The following CENPC variants were observed in gnomAD, a reference collection of about 807,000 sequenced individuals.
CENPC encodes centromere protein C, also known as CENP-C 1.
CENPC carries 63 observed loss-of-function variants against 112.1 expected under a neutral mutation model. That is an observed-to-expected ratio of 0.56 (90% confidence interval 0.46 to 0.69). The LOEUF (loss-of-function observed/expected upper bound fraction) is 0.69. CENPC is among the 30% of genes least tolerant of loss of function. The pLI is 0.00. For missense variants in CENPC, 1,000 were observed against 1,103.8 expected, an observed-to-expected ratio of 0.91 and a Z score of 1.33; for synonymous variants, 333 against 367.6, an observed-to-expected ratio of 0.91 and a Z score of 1.08.
At chr4:67,534,643 G>A (rs906325911) in intron 4 of CENPC, among the ~76,000 whole-genome samples, 20 of 152,146 alleles carry the variant, frequency 1.3e-4, no homozygotes, top group Non-Finnish European at 2.5e-4. Context: ...ACCGCCAAGC[G>A]GGAAAGATTT....
chr4:67,544,282 C>T (rs920636415), intron 1 of CENPC, 87 bp from the exon 2 acceptor site: 2 of 729,502 alleles, frequency 2.7e-6, no homozygotes, highest in Non-Finnish European at 4.9e-6. Flanking sequence ...CCAGTATGGG[C>T]ATGCTATACA....
chr4:67,478,629 AACAC>A (rs200741539), intron 17 of CENPC, among the ~76,000 whole-genome samples: 1,200 of 81,916 alleles, frequency 0.015, 12 homozygotes, highest in Middle Eastern at 0.067. Flanking sequence ...GGGTCTATAA[AACAC>A]ACACACACAC....
At chr4:67,532,544 A>G (rs1726586128) in intron 4 of CENPC, among the ~76,000 whole-genome samples, 1 of 152,246 alleles carries the variant, frequency 6.6e-6, no homozygotes, top group South Asian at 2.1e-4. Flanking sequence ...TGGCACATAT[A>G]CACCATGGAA....
At chr4:67,499,535 A>G (rs1725533646) in intron 12 of CENPC, among the ~76,000 whole-genome samples, 1 of 152,158 alleles carries the variant, frequency 6.6e-6, no homozygotes, top group Non-Finnish European at 1.5e-5. Flanking sequence ...CTCACCTCTC[A>G]GCCTCCACAG....
intron 12 of CENPC, among the ~76,000 whole-genome samples, chr4:67,498,864 T>G (rs370565836): frequency 3.3e-5 from 5 of 152,254 alleles, no homozygotes; most frequent in African/African-American, 1.2e-4. Flanking sequence ...GAATGGTGAA[T>G]CCTTTCCAGA....
rs1726253109 is a variant in CENPC at position 67,522,417 on chromosome 4, T to C, written c.332-2915A>G. On this transcript the variant is annotated intron_variant, in intron 5 of 18. Transcript: ENST00000273853. The stretch of plus-strand genomic sequence containing the variant: ...CATCTGACAGCTTGTTTACACATAT[T>C]TGACACCTGGTCTTGACTGCAGGCT... Among the ~76,000 whole-genome samples, 2 of 152,196 alleles carry C rather than the reference T, an allele frequency of 1.3e-5. 1 individual carries two copies. The highest frequency in any genetic ancestry group is 4.1e-4 in the South Asian group (2 of 4,828).
Position 67,492,990 on chromosome 4 carries a change from G to A in CENPC, c.2298C>T (p.Phe766=), listed in dbSNP as rs1725326711. The A allele has an allele frequency of 4.0e-6, 6 of 1,513,806 alleles. No individual in the cohort carries two copies. Among genetic ancestry groups the A allele is most frequent in the Middle Eastern group, 1.7e-4 (1 of 5,812 alleles). 93.8% of individuals were successfully genotyped at this position (1,513,806 alleles called of 1,614,324 possible). A position where few individuals can be genotyped will look rare whatever the true frequency, so the allele number is the denominator to read the frequency against. The part of the protein sequence containing the change: ...IDYQGRPSGG[F]VISGVLSPDT... ...CTGGAGATAGTACTCCACTAATCAC[G>A]AATCCTCCTGAAATTTAACAAAAAA... The change falls in exon 15 of 19, where the codon TTC becomes TTT. Residue 766 remains phenylalanine (F), a synonymous_variant. Transcript: ENST00000273853.
intron 1 of CENPC, among the ~76,000 whole-genome samples, chr4:67,544,619 T>C (rs942117996): frequency 2.0e-5 from 3 of 152,230 alleles, no homozygotes; most frequent in Non-Finnish European, 4.4e-5. Context: ...CGGATTTTTA[T>C]ATAGTAACCA....
In CENPC at chr4:67,500,626, C is replaced by A. The variant is rs533874493; in HGVS notation, c.2131+4579G>T. Among the ~76,000 whole-genome samples, 109 of 152,172 alleles carry A rather than the reference C, an allele frequency of 7.2e-4. 3 individuals carry two copies. In the South Asian group the frequency reaches 0.022, roughly 30 times the overall value. On this transcript the variant is annotated intron_variant, in intron 12 of 18. Transcript: ENST00000273853. ...GACCAGCTGAAAGAAAATCCAGTGA[C>A]CAAATCTATCACAATTCAAGTATCA...
chr4:67,505,654 A>G (rs1230828350), intron 11 of CENPC, among the ~76,000 whole-genome samples: 1 of 152,126 alleles, frequency 6.6e-6, no homozygotes, highest in Admixed American at 6.6e-5. Flanking sequence ...TATTATTTTA[A>G]ATGTCATATT....
At chr4:67,509,207 TAC>T (rs36207189) in intron 9 of CENPC, 102 bp from the exon 10 acceptor site, 44,132 of 480,588 alleles carry the variant, frequency 0.092, 1,268 homozygotes, top group Non-Finnish European at 0.1. Flanking sequence ...CATATACACA[TAC>T]ACACACACAC....
intron 7 of CENPC, among the ~76,000 whole-genome samples, chr4:67,516,292 T>C (rs1339763060): frequency 6.6e-6 from 1 of 151,910 alleles, no homozygotes; most frequent in African/African-American, 2.4e-5. Flanking sequence ...ATTGTTTTAA[T>C]AGCTTTAAGC....
intron 12 of CENPC, among the ~76,000 whole-genome samples, chr4:67,502,259 T>C (rs1725610767): frequency 6.7e-6 from 1 of 148,880 alleles, no homozygotes; most frequent in South Asian, 2.1e-4. Context: ...AAGTAACAAG[T>C]ATATCTGTTG....
At chr4:67,473,227 G>C (rs1481146411) in intron 18 of CENPC, among the ~76,000 whole-genome samples, 1 of 151,820 alleles carries the variant, frequency 6.6e-6, no homozygotes, top group Non-Finnish European at 1.5e-5. Flanking sequence ...CACCGCGCCC[G>C]GCCAAAATCT....
chr4:67,519,621 A>G (rs1429028099), intron 5 of CENPC, 119 bp from the exon 6 acceptor site: 2 of 681,020 alleles, frequency 2.9e-6, no homozygotes, highest in Admixed American at 7.1e-5. Flanking sequence ...ACTCAAAGTC[A>G]TTAAGATTAG....
At chr4:67,503,201 G>A (rs1482835467) in intron 12 of CENPC, among the ~76,000 whole-genome samples, 2 of 151,800 alleles carry the variant, frequency 1.3e-5, no homozygotes, top group South Asian at 2.1e-4. Context: ...CTACTCGTTC[G>A]CTCTCTTCCT....
At chr4:67,491,476 T>TAC (rs1250649615) in intron 16 of CENPC, among the ~76,000 whole-genome samples, 1 of 28,588 alleles carries the variant, frequency 3.5e-5, no homozygotes, top group African/African-American at 1.0e-4. Context: ...TATATATATA[T>TAC]ATATAGAGAG....
At chr4:67,511,085 A>G (rs1028758216) in intron 9 of CENPC, 7 of 455,670 alleles carry the variant, frequency 1.5e-5, no homozygotes, top group Middle Eastern at 3.3e-4. Context: ...CTTCAATACT[A>G]ACATATGCCA....
chr4:67,530,100 T>C (rs1468814108), intron 5 of CENPC, among the ~76,000 whole-genome samples: 2 of 152,144 alleles, frequency 1.3e-5, no homozygotes, highest in African/African-American at 4.8e-5. Flanking sequence ...CTTAATTTTA[T>C]TTTTTAAAAA....
Sources: allele counts gnomAD v4.1 joint callset (sites outside exome capture counted in the v4.1 genomes callset), GRCh38; gene constraint gnomAD v4.1.1; transcripts MANE v1.5; gene names NCBI Gene and HGNC (gene_info 2026-07-23, HGNC 2026-07-21).